SPOCK3: variants seen among roughly 807,000 people sequenced by gnomAD.
SPOCK3 encodes the protein SPARC (osteonectin), cwcv and kazal like domains proteoglycan 3, also known as testican-3.
SPOCK3 carries 30 observed loss-of-function variants against 56.6 expected under a neutral mutation model. The ratio of observed to expected loss-of-function variants is 0.53; its 90% CI spans 0.40 to 0.72. The LOEUF (loss-of-function observed/expected upper bound fraction) is 0.72, where lower values mean the gene tolerates loss of function less well. SPOCK3 is among the 30% of genes least tolerant of loss of function. The pLI is 0.00. For missense variants in SPOCK3, 527 were observed against 530.0 expected (o/e 0.99, Z 0.06); for synonymous variants, 196 against 183.3 (o/e 1.07, Z -0.56).
intron 2 of SPOCK3, among the ~76,000 whole-genome samples, chr4:167,082,575 T>C (rs954570795): frequency 6.6e-6 from 1 of 152,060 alleles, no homozygotes; most frequent in Non-Finnish European, 1.5e-5. Context: ...GACTGTTTTA[T>C]GCTTGTTTAC....
At chr4:166,842,184 T>C (rs1355332038) in intron 6 of SPOCK3, among the ~76,000 whole-genome samples, 2 of 152,176 alleles carry the variant, frequency 1.3e-5, no homozygotes, top group African/African-American at 4.8e-5. Flanking sequence ...AGCAGCAAGA[T>C]TTATTGCAAA....
At chr4:166,768,223 C>A (rs560358240) in intron 7 of SPOCK3, among the ~76,000 whole-genome samples, 1 of 152,074 alleles carries the variant, frequency 6.6e-6, no homozygotes, top group South Asian at 2.1e-4. Flanking sequence ...GAAATTGATC[C>A]TGTCATTATG....
intron 6 of SPOCK3, among the ~76,000 whole-genome samples, chr4:166,835,285 TTTGTC>T (rs1746495660): frequency 6.6e-6 from 1 of 152,170 alleles, no homozygotes; most frequent in Non-Finnish European, 1.5e-5. Context: ...TCAAAAAACT[TTTGTC>T]TATTTACAGA....
intron 2 of SPOCK3, among the ~76,000 whole-genome samples, chr4:167,103,522 A>G (rs193195269): frequency 1.3e-5 from 2 of 152,282 alleles, no homozygotes; most frequent in African/African-American, 4.8e-5. Flanking sequence ...GGGACAGGGA[A>G]GAGTGGGAAG....
intron 2 of SPOCK3, among the ~76,000 whole-genome samples, chr4:167,108,992 TTATATA>T (rs200728520): frequency 3.4e-4 from 3 of 8,698 alleles, no homozygotes; most frequent in Admixed American, 2.0e-3. Flanking sequence ...AAATATATAT[TTATATA>T]TATATAAATA....
chr4:167,174,481 A>G (rs540999227), intron 2 of SPOCK3, among the ~76,000 whole-genome samples: 1 of 152,198 alleles, frequency 6.6e-6, no homozygotes, highest in Non-Finnish European at 1.5e-5. Context: ...CCAAAAATAT[A>G]TAGGGATTTA....
chr4:166,862,224 G>T (rs1731307651), intron 6 of SPOCK3, among the ~76,000 whole-genome samples: 2 of 152,028 alleles, frequency 1.3e-5, no homozygotes, highest in Admixed American at 1.3e-4. Flanking sequence ...AGAAAAAGCA[G>T]GTGGGAAGTA....
intron 4 of SPOCK3, among the ~76,000 whole-genome samples, chr4:166,993,872 G>C (rs1023654891): frequency 1.3e-5 from 2 of 152,126 alleles, no homozygotes; most frequent in Non-Finnish European, 2.9e-5. Context: ...ATTGTGAAAA[G>C]TGCTTTAAGC....
intron 8 of SPOCK3, among the ~76,000 whole-genome samples, chr4:166,753,319 C>T (rs780010228): frequency 3.9e-5 from 6 of 152,006 alleles, no homozygotes; most frequent in African/African-American, 9.7e-5. Context: ...TAAATGCACA[C>T]TTGTCATTAA....
intron 5 of SPOCK3, among the ~76,000 whole-genome samples, chr4:166,906,876 C>T (rs972182509): frequency 6.6e-6 from 1 of 151,750 alleles, no homozygotes; most frequent in African/African-American, 2.4e-5. Context: ...AATTGAAATG[C>T]AATTAATAAC....
chr4:167,229,817 C>A (rs1021689021), intron 2 of SPOCK3, among the ~76,000 whole-genome samples: 1 of 151,940 alleles, frequency 6.6e-6, no homozygotes, highest in East Asian at 1.9e-4. Flanking sequence ...TTTATTATTA[C>A]GTTAAATATA....
At chr4:166,825,396 C>T (rs1170565775) in intron 6 of SPOCK3, among the ~76,000 whole-genome samples, 2 of 151,990 alleles carry the variant, frequency 1.3e-5, no homozygotes, top group Non-Finnish European at 2.9e-5. Context: ...TGTCAAAAAA[C>T]ACCTTTCACA....
intron 2 of SPOCK3, among the ~76,000 whole-genome samples, chr4:167,141,694 G>T (rs980656811): frequency 2.4e-4 from 37 of 151,932 alleles, no homozygotes; most frequent in African/African-American, 8.7e-4. Flanking sequence ...AAATAGGAAA[G>T]AAAAGATCAG....
chr4:167,046,396 T>C (rs1008481889), intron 3 of SPOCK3, among the ~76,000 whole-genome samples: 1 of 151,568 alleles, frequency 6.6e-6, no homozygotes, highest in Non-Finnish European at 1.5e-5. Flanking sequence ...TATGTCATTA[T>C]TGTTTCAAAT....
In SPOCK3 at chr4:166,881,479, TTTTA is replaced by T. The variant is rs547093246; in HGVS notation, c.589+7647_589+7650del. ...TATATTTTACAGAAAAAGAATTCAT[TTTTA>T]TTTATTACTTTTAATTCAATATGGC... On this transcript the variant is annotated intron_variant, in intron 6 of 10. Coordinates refer to ENST00000357545, the MANE Select transcript of SPOCK3 (RefSeq NM_001040159.2). 2.6e-5 allele frequency among the ~76,000 whole-genome samples: 4 copies of T among 152,096 alleles called. No homozygotes were observed. The South Asian group carries it at 8.3e-4, about 32-fold the overall frequency.
chr4:167,077,698 C>G (rs2150282304), intron 2 of SPOCK3, among the ~76,000 whole-genome samples: 1 of 151,940 alleles, frequency 6.6e-6, no homozygotes. Flanking sequence ...TCATTTGCAC[C>G]TTAATATGGC....
intron 4 of SPOCK3, among the ~76,000 whole-genome samples, chr4:166,993,907 A>G (rs1748077072): frequency 6.6e-6 from 1 of 152,164 alleles, no homozygotes; most frequent in East Asian, 1.9e-4. Flanking sequence ...ATTCTCACAA[A>G]AACAGAGGGA....
intron 3 of SPOCK3, among the ~76,000 whole-genome samples, chr4:167,047,364 T>G (rs1344676548): frequency 1.3e-5 from 2 of 152,208 alleles, no homozygotes; most frequent in African/African-American, 2.4e-5. Flanking sequence ...TGACTGAAGA[T>G]GTATTCTAAC....
At chr4:167,161,096 G>A (rs114083491) in intron 2 of SPOCK3, among the ~76,000 whole-genome samples, 8,577 of 152,212 alleles carry the variant, frequency 0.056, 350 homozygotes, top group Middle Eastern at 0.078. Flanking sequence ...CTACCACAGA[G>A]TGAACAGGCA....
Sources: allele counts gnomAD v4.1 joint callset (sites outside exome capture counted in the v4.1 genomes callset), GRCh38; gene constraint gnomAD v4.1.1; transcripts MANE v1.5; gene names NCBI Gene and HGNC (gene_info 2026-07-23, HGNC 2026-07-21).